The following KLHL14 variants were observed in gnomAD, a reference collection of about 807,000 sequenced individuals.
KLHL14 encodes kelch like family member 14, also known as kelch-like protein 14.
KLHL14 carries 22 observed loss-of-function variants against 64.3 expected under a neutral mutation model. That is an observed-to-expected ratio of 0.34 (90% CI 0.24 to 0.49). KLHL14 has a LOEUF of 0.49. Ranked by LOEUF, KLHL14 falls within the 20% of genes least tolerant of loss-of-function variation. The pLI is 0.99. For synonymous variants in KLHL14, 322 were observed against 333.4 expected, an observed-to-expected ratio of 0.97 and a Z score of 0.37; for missense variants, 661 against 789.0, an observed-to-expected ratio of 0.84 and a Z score of 1.94.
intron 3 of KLHL14, among the ~76,000 whole-genome samples, chr18:32,722,630 G>A (rs529732821): frequency 4.6e-5 from 7 of 152,150 alleles, no homozygotes; most frequent in Admixed American, 2.0e-4. Context: ...TTCAGCTGGC[G>A]AAGAAAATCA....
At chr18:32,723,325 A>C (rs1424254927) in intron 3 of KLHL14, among the ~76,000 whole-genome samples, 1 of 152,168 alleles carries the variant, frequency 6.6e-6, no homozygotes, top group African/African-American at 2.4e-5. Context: ...TTTTGACCCT[A>C]CAGATGTACT....
Position 32,770,891 on chromosome 18 carries a change from A to G in KLHL14, c.-43-257T>C. On this transcript the variant is annotated intron_variant, in intron 1 of 8. Coordinates refer to ENST00000359358, the MANE Select transcript of KLHL14 (RefSeq NM_020805.3). This position sits in a 1 kb window ranked among gnomAD's most constrained non-coding sequence, Gnocchi z 6.7. ...TCTGCGCCCTGCGGCTCCTCTCGCC[A>G]CCTCCCACACACTTCGTCCCTCACT... 2.2e-6 allele frequency: 1 copy of G among 461,948 alleles called. No individual in the cohort carries two copies. The highest frequency in any genetic ancestry group is 3.8e-5 in the Admixed American group (1 of 26,454). The allele number at this position is 461,948 out of a possible 1,614,324, so 28.6% of individuals were successfully genotyped here. A position where few individuals can be genotyped will look rare whatever the true frequency, so the allele number is the denominator to read the frequency against.
chr18:32,695,708 C>T (rs2049933517), intron 3 of KLHL14, among the ~76,000 whole-genome samples, 156 bp from the exon 4 acceptor site: 1 of 152,024 alleles, frequency 6.6e-6, no homozygotes, highest in African/African-American at 2.4e-5. Flanking sequence ...ACTCACCAAT[C>T]CAGGGATCCC....
At chr18:32,772,303 C>A in intron 1 of KLHL14, 1 of 338,924 alleles carries the variant, frequency 3.0e-6, no homozygotes, top group South Asian at 2.1e-5. Context: ...CCCTACCCTC[C>A]CTCGCGCTCC....
chr18:32,717,239 G>T (rs926530608), intron 3 of KLHL14, among the ~76,000 whole-genome samples: 10 of 152,230 alleles, frequency 6.6e-5, no homozygotes, highest in African/African-American at 2.4e-4. Flanking sequence ...AGTGCAATTT[G>T]ATGATAGATT....
intron 3 of KLHL14, among the ~76,000 whole-genome samples, chr18:32,737,089 G>A (rs1341774210): frequency 1.3e-5 from 2 of 151,968 alleles, no homozygotes; most frequent in South Asian, 2.1e-4. Flanking sequence ...TTTCAGAGTC[G>A]TTCAAAAGTA....
rs566403700 is a variant in KLHL14, at chr18:32,718,125, C to T, written c.1070-22573G>A. On this transcript the variant is annotated intron_variant, in intron 3 of 8. Transcript: ENST00000359358. ...AATAAATGATTACCCTGCCTCCAATCTCTCCTTTTCCAATTCATCTTAAAT... is the reference window on the plus strand; with the variant it reads ...AATAAATGATTACCCTGCCTCCAATTTCTCCTTTTCCAATTCATCTTAAAT... Among the ~76,000 whole-genome samples the T allele has an allele frequency of 2.6e-5, 4 of 152,336 alleles. No individual in the cohort carries two copies. The East Asian group carries it at 7.7e-4, about 29-fold the overall frequency.
rs780885171 is a variant in KLHL14 at position 32,674,696 on chromosome 18, C to A, written c.1848G>T (p.Val616=). ...GTACACAAGAGGGCAGAATAACTGT[C>A]ACACAGGCAGGGCCTGCCAACGGTT... ...VAEPLAGPAC[V]TVILPSCVPY... is the part of the protein sequence containing the mutation. Residue 616 remains valine, a synonymous_variant, in exon 9 of 9, where the codon GTG becomes GTT. Transcript: ENST00000359358. 1.3e-6 allele frequency: 1 copy of A among 780,888 alleles called. No individual in the cohort carries two copies. Among genetic ancestry groups the A allele is most frequent in the Non-Finnish European group, 2.4e-6 (1 of 418,010 alleles). 48.4% of individuals were successfully genotyped at this position (780,888 alleles called of 1,614,324 possible). A position where few individuals can be genotyped will look rare whatever the true frequency, so the allele number is the denominator to read the frequency against.
intron 3 of KLHL14, among the ~76,000 whole-genome samples, chr18:32,736,648 T>C (rs2050167850): frequency 6.6e-6 from 1 of 152,138 alleles, no homozygotes; most frequent in African/African-American, 2.4e-5. Flanking sequence ...TGCAGCCCCA[T>C]TGCTTACTAG....
intron 2 of KLHL14, 27 bp downstream of exon 2, chr18:32,769,618 C>T: frequency 8.0e-7 from 1 of 1,244,786 alleles, no homozygotes; most frequent in Non-Finnish European, 1.1e-6. Context: ...CCCCCCCTCC[C>T]CCGCCCTCCT....
intron 2 of KLHL14, among the ~76,000 whole-genome samples, chr18:32,764,544 C>G (rs932688159): frequency 6.6e-6 from 1 of 152,110 alleles, no homozygotes; most frequent in African/African-American, 2.4e-5. Flanking sequence ...GTTGGCAAAC[C>G]GTGGCTCACA....
chr18:32,747,035 G>A (rs1233417431), intron 2 of KLHL14, among the ~76,000 whole-genome samples: 1 of 152,202 alleles, frequency 6.6e-6, no homozygotes, highest in African/African-American at 2.4e-5. Flanking sequence ...CCTTCTGATA[G>A]TTTTTTAAAC....
At chr18:32,691,454 GGAT>G (rs1412518792) in intron 4 of KLHL14, among the ~76,000 whole-genome samples, 1 of 152,196 alleles carries the variant, frequency 6.6e-6, no homozygotes, top group East Asian at 1.9e-4. Flanking sequence ...TAAGGTGACA[GGAT>G]TGCTCAAAGT....
chr18:32,693,243 T>C (rs1348686013), intron 4 of KLHL14, among the ~76,000 whole-genome samples: 1 of 152,096 alleles, frequency 6.6e-6, no homozygotes, highest in East Asian at 1.9e-4. Context: ...TTCTCCTCTA[T>C]TTAGGTGAGC....
chr18:32,753,444 G>T (rs970263120), intron 2 of KLHL14, among the ~76,000 whole-genome samples: 3 of 149,764 alleles, frequency 2.0e-5, no homozygotes, highest in Non-Finnish European at 4.4e-5. Context: ...TGGCTCACAT[G>T]GGTCCTCCAC....
intron 3 of KLHL14, among the ~76,000 whole-genome samples, chr18:32,734,901 T>C (rs779721099): frequency 1.4e-4 from 22 of 152,128 alleles, no homozygotes; most frequent in Non-Finnish European, 2.1e-4. Context: ...TGTGTGTGTG[T>C]GCGTGCACGC....
chr18:32,734,112 C>G (rs1225135433), intron 3 of KLHL14: 10 of 701,916 alleles, frequency 1.4e-5, no homozygotes, highest in Non-Finnish European at 2.6e-5. Context: ...GAAGAATACA[C>G]TGAATATTTG....
intron 2 of KLHL14, among the ~76,000 whole-genome samples, chr18:32,747,932 T>G (rs2050231838): frequency 6.6e-6 from 1 of 152,246 alleles, no homozygotes; most frequent in South Asian, 2.1e-4. Flanking sequence ...TTTAGACACT[T>G]TGCTTCAATT....
At chr18:32,759,716 TC>T (rs2050304048) in intron 2 of KLHL14, among the ~76,000 whole-genome samples, 2 of 151,920 alleles carry the variant, frequency 1.3e-5, no homozygotes, top group Non-Finnish European at 2.9e-5. Flanking sequence ...TCTCTCTCTC[TC>T]TCTCTCTCGT....
Sources: gnomAD v4.1 joint callset for allele counts (sites outside exome capture counted in the v4.1 genomes callset) on GRCh38, gnomAD v4.1.1 for gene constraint, Gnocchi (gnomAD v3.1) non-coding constraint, MANE v1.5 for transcripts, NCBI Gene and HGNC (gene_info 2026-07-23, HGNC 2026-07-21) for gene names.